Variants in TCERG1L observed in about 807,000 individuals in gnomAD.
The protein encoded by TCERG1L is transcription elongation regulator 1-like protein.
TCERG1L carries 37 observed loss-of-function variants against 56.3 expected under a neutral mutation model. The ratio of observed to expected loss-of-function variants is 0.66; its 90% confidence interval spans 0.51 to 0.87. TCERG1L has a LOEUF of 0.87. TCERG1L is among the 40% of genes least tolerant of loss of function. The pLI is 0.00. For missense variants in TCERG1L, 799 were observed against 774.2 expected (o/e 1.03, Z -0.38); for synonymous variants, 324 against 326.3 (o/e 0.99, Z 0.08).
At chr10:131,187,985 T>C (rs1232708496) in intron 4 of TCERG1L, among the ~76,000 whole-genome samples, 1 of 152,200 alleles carries the variant, frequency 6.6e-6, no homozygotes, top group Non-Finnish European at 1.5e-5. Context: ...ACAGAGACTC[T>C]GCATCCTGGG....
chr10:131,310,345 T>G (rs1198546185), intron 1 of TCERG1L, among the ~76,000 whole-genome samples: 1 of 152,122 alleles, frequency 6.6e-6, no homozygotes, highest in Middle Eastern at 3.2e-3. Flanking sequence ...AAATACAATA[T>G]CCAGTGCTGC....
At chr10:131,222,981 C>T (rs1489243246) in intron 4 of TCERG1L, among the ~76,000 whole-genome samples, 2 of 152,202 alleles carry the variant, frequency 1.3e-5, no homozygotes, top group Non-Finnish European at 1.5e-5. Flanking sequence ...TGGCCTAGTT[C>T]TGGTGAGGAT....
At chr10:131,190,301 A>C (rs192565613) in intron 4 of TCERG1L, among the ~76,000 whole-genome samples, 22 of 152,310 alleles carry the variant, frequency 1.4e-4, no homozygotes, top group Admixed American at 4.6e-4. Context: ...CCACACAAAG[A>C]AAGCCCAGGA....
chr10:131,282,301 C>CA (rs1371881714), intron 3 of TCERG1L, among the ~76,000 whole-genome samples: 27 of 135,990 alleles, frequency 2.0e-4, no homozygotes, highest in Non-Finnish European at 3.9e-4. Context: ...TTCAGGAATT[C>CA]AAAAAAACCG....
In TCERG1L at chr10:131,221,888, C is replaced by T. The variant is rs74160876; in HGVS notation, c.856+38371G>A. Among the ~76,000 whole-genome samples, 389 of 152,318 alleles carry T rather than the reference C, an allele frequency of 2.6e-3. 1 individual carries two copies. The highest frequency in any genetic ancestry group is 8.9e-3 in the African/African-American group (372 of 41,580). Reference sequence around the variant, plus strand: ...CCCGCACAGGGCAAATGAGAATCTGCGTGGGCATCCCAGCTACAGCCTCCG... The same window carrying T: ...CCCGCACAGGGCAAATGAGAATCTGTGTGGGCATCCCAGCTACAGCCTCCG... On this transcript the variant is annotated intron_variant, in intron 4 of 11. Transcript: ENST00000368642.
chr10:131,270,643 C>A (rs1015330645), intron 3 of TCERG1L, among the ~76,000 whole-genome samples: 1 of 152,216 alleles, frequency 6.6e-6, no homozygotes, highest in African/African-American at 2.4e-5. Flanking sequence ...CCGTTGCTGG[C>A]GTTTGCATTG....
chr10:131,154,636 T>C (rs1564803114), intron 6 of TCERG1L, among the ~76,000 whole-genome samples: 1 of 152,210 alleles, frequency 6.6e-6, no homozygotes, highest in African/African-American at 2.4e-5. Flanking sequence ...CCCAGGCCCA[T>C]CCACCTGGCA....
At chr10:131,238,671 G>A (rs530616974) in intron 4 of TCERG1L, among the ~76,000 whole-genome samples, 45 of 152,322 alleles carry the variant, frequency 3.0e-4, no homozygotes, top group African/African-American at 9.9e-4. Context: ...CCTTCCATGT[G>A]CAGCCCTGGC....
At chr10:131,159,701 T>C (rs1224863786) in intron 6 of TCERG1L, among the ~76,000 whole-genome samples, 2 of 93,838 alleles carry the variant, frequency 2.1e-5, no homozygotes, top group African/African-American at 1.4e-4. Flanking sequence ...CCCCACCCCA[T>C]GGCAGAGAGC....
intron 8 of TCERG1L, among the ~76,000 whole-genome samples, chr10:131,124,122 T>G (rs1323068252): frequency 6.6e-6 from 1 of 152,140 alleles, no homozygotes; most frequent in Non-Finnish European, 1.5e-5. Context: ...TACAAGATGA[T>G]GCACATCTGC....
At chr10:131,225,485 T>C (rs1366277587) in intron 4 of TCERG1L, among the ~76,000 whole-genome samples, 1 of 152,092 alleles carries the variant, frequency 6.6e-6, no homozygotes, top group Admixed American at 6.6e-5. Context: ...GGACACCAGC[T>C]GGAGGCTCTC....
chr10:131,162,889 A>AATATATATT, intron 6 of TCERG1L: 1 of 382,496 alleles, frequency 2.6e-6, no homozygotes, highest in Admixed American at 4.4e-5. Flanking sequence ...TTATCATTTT[A>AATATATATT]ATATATATTC....
intron 8 of TCERG1L, among the ~76,000 whole-genome samples, chr10:131,122,259 C>A (rs566694153): frequency 7.9e-5 from 12 of 152,304 alleles, no homozygotes; most frequent in Admixed American, 4.6e-4. Flanking sequence ...CTCCACCATA[C>A]CACACCTCAG....
chr10:131,179,569 C>T (rs926238069), intron 4 of TCERG1L, among the ~76,000 whole-genome samples: 3 of 152,172 alleles, frequency 2.0e-5, no homozygotes, highest in Admixed American at 6.5e-5. Context: ...CCAGCCCAGC[C>T]GTGTGACCCT....
chr10:131,167,965 T>G (rs893472534), intron 4 of TCERG1L, among the ~76,000 whole-genome samples: 1 of 151,938 alleles, frequency 6.6e-6, no homozygotes, highest in African/African-American at 2.4e-5. Context: ...CCTAAAACAA[T>G]AGATAAGTTC....
chr10:131,168,677 G>A (rs146003019), intron 4 of TCERG1L, among the ~76,000 whole-genome samples: 1,977 of 152,294 alleles, frequency 0.013, 30 homozygotes, highest in Admixed American at 0.021. Flanking sequence ...TCTGCACAGC[G>A]CCCTGCCGGG....
At chr10:131,203,285 C>T (rs546983583) in intron 4 of TCERG1L, among the ~76,000 whole-genome samples, 174 of 133,076 alleles carry the variant, frequency 1.3e-3, no homozygotes, top group African/African-American at 4.6e-3. Context: ...ACTGCACTCT[C>T]GCATGGGTGA....
chr10:131,208,163 C>T (rs1845564580), intron 4 of TCERG1L, among the ~76,000 whole-genome samples: 1 of 152,188 alleles, frequency 6.6e-6, no homozygotes, highest in South Asian at 2.1e-4. Flanking sequence ...CACTAGTCAC[C>T]TGTGATCTCT....
At chr10:131,150,485 T>C (rs1014067034) in intron 6 of TCERG1L, among the ~76,000 whole-genome samples, 1 of 152,198 alleles carries the variant, frequency 6.6e-6, no homozygotes, top group Non-Finnish European at 1.5e-5. Flanking sequence ...AGTGGCCCCA[T>C]CCAATCCCAA....
Sources: gnomAD v4.1 joint callset for allele counts (sites outside exome capture counted in the v4.1 genomes callset) on GRCh38, gnomAD v4.1.1 for gene constraint, MANE v1.5 for transcripts, NCBI Gene and HGNC (gene_info 2026-07-23, HGNC 2026-07-21) for gene names.